FCGRT: variants seen among roughly 807,000 people sequenced by gnomAD.
The protein encoded by FCGRT is Fc gamma receptor and transporter, also known as IgG receptor FcRn large subunit p51.
A neutral mutation model predicts 35.7 loss-of-function variants in FCGRT; 13 were observed. The observed-to-expected ratio is 0.36, with a 90% CI of 0.24 to 0.58. The LOEUF (loss-of-function observed/expected upper bound fraction) is 0.58. Ranked by LOEUF, FCGRT falls within the 20% of genes least tolerant of loss-of-function variation. The probability of loss-of-function intolerance (pLI) is 0.77; values close to 1 mark genes in which losing one functional copy is unlikely to be tolerated. For synonymous variants in FCGRT, 233 were observed against 216.5 expected, an observed-to-expected ratio of 1.08 and a Z score of -0.67; for missense variants, 455 against 474.9, an observed-to-expected ratio of 0.96 and a Z score of 0.39.
chr19:49,521,669 T>A (rs2080042220), intron 4 of FCGRT: 1 of 143,948 alleles, frequency 6.9e-6, no homozygotes. Context: ...GCACCCGGCT[T>A]TTTTTTTTTT....
rs139316391 is a variant in FCGRT at position 49,513,714 on chromosome 19, G to GTCTCTCTCTCTCTCTC, written c.74-155_74-154insCTCTCTCTCTCTCTCT. On this transcript the variant is annotated intron_variant, in intron 2 of 6. Coordinates refer to ENST00000221466, the MANE Select transcript of FCGRT (RefSeq NM_001136019.3). Reference sequence around the variant, plus strand: ...GTCCCCCTCTCTTTCTGGGTCTCTTGTCTCTCTCTCTCTGGGTCTCTGTCC... The same window carrying GTCTCTCTCTCTCTCTC: ...GTCCCCCTCTCTTTCTGGGTCTCTTGTCTCTCTCTCTCTCTCTCTCTCTCTCTCTGGGTCTCTGTCC... 693 of 532,160 alleles carry GTCTCTCTCTCTCTCTC rather than the reference G, an allele frequency of 1.3e-3. 33 individuals carry two copies. In the African/African-American group the frequency reaches 0.017, roughly 13 times the overall value. The allele number at this position is 532,160 out of a possible 1,614,324, so 33.0% of individuals were successfully genotyped here.
chr19:49,515,874 ACCCTTCC>A lies in FCGRT; in HGVS notation c.601+1393_601+1399del, dbSNP rs141844884. Reference sequence around the variant, plus strand: ...GTTTCCCCTGGCACCTCTCTGTTCCACCCTTCCCCCTCTCTGCATATACTCCAGCCCT... The same window carrying A: ...GTTTCCCCTGGCACCTCTCTGTTCCACCCTCTCTGCATATACTCCAGCCCT... On this transcript the variant is annotated intron_variant, in intron 4 of 6. Transcript: ENST00000221466. Among the ~76,000 whole-genome samples the A allele has an allele frequency of 3.1e-3, 467 of 151,938 alleles. 4 individuals are homozygous for A. Among genetic ancestry groups the A allele is most frequent in the African/African-American group, 0.01 (431 of 41,444 alleles).
Position 49,513,881 on chromosome 19 carries a change from G to C in FCGRT, c.74-1G>C. On this transcript the variant is annotated splice_acceptor_variant, in intron 2 of 6. Transcript: ENST00000221466. LOFTEE classifies it high-confidence loss of function. Reference sequence around the variant, plus strand: ...CCCTTCAGCTCTGTTTCTGTCTGCAGAAAGCCACCTCTCCCTCCTGTACCA... The same window carrying C: ...CCCTTCAGCTCTGTTTCTGTCTGCACAAAGCCACCTCTCCCTCCTGTACCA... The C allele has an allele frequency of 6.3e-7, 1 of 1,591,618 alleles. No individual in the cohort carries two copies. The highest frequency in any genetic ancestry group is 8.6e-7 in the Non-Finnish European group (1 of 1,167,510).
At position 49,516,029 on chromosome 19, in the gene FCGRT, G is replaced by T. The variant is rs576120868; in HGVS notation, c.601+1543G>T. ...CAGATCCCCACTCATTCAACTGTTG[G>T]CCAAGAGCATTTGCACTGCCAGGCG... On this transcript the variant is annotated intron_variant, in intron 4 of 6. Coordinates refer to ENST00000221466, the MANE Select transcript of FCGRT (RefSeq NM_001136019.3). 156 of 357,136 alleles carry T rather than the reference G, an allele frequency of 4.4e-4. 1 individual carries two copies. Among genetic ancestry groups the T allele is most frequent in the African/African-American group, 2.7e-3 (124 of 46,406 alleles). The allele number at this position is 357,136 out of a possible 1,614,324, so 22.1% of individuals were successfully genotyped here. A position where few individuals can be genotyped will look rare whatever the true frequency, so the allele number is the denominator to read the frequency against.
At chr19:49,513,365 C>A in intron 1 of FCGRT, 22 bp from the exon 2 acceptor site, 9 of 643,446 alleles carry the variant, frequency 1.4e-5, no homozygotes, top group South Asian at 1.5e-4. Flanking sequence ...CGGGAGGAGT[C>A]ACGTGCCCCC....
At position 49,526,084 on chromosome 19, in the gene FCGRT, T is replaced by G. The variant is rs1356505064; in HGVS notation, c.1063T>G (p.Leu355Val). The G allele has an allele frequency of 1.9e-6, 3 of 1,613,532 alleles. No homozygotes were observed. Among genetic ancestry groups the G allele is most frequent in the Admixed American group, 1.7e-5 (1 of 60,006 alleles). Residue 355 changes from leucine to valine, a missense_variant, in exon 7 of 7, where the codon TTG becomes GTG. This residue lies in a region of FCGRT where 312 missense variants were observed against 296.1 expected (regional missense o/e 1.05). Transcript: ENST00000221466. ...CCCAGGGGAGGCCCAGGATGCTGAT[T>G]TGAAGGATGTAAATGTGATTCCAGC... ...PTPGEAQDAD[L>V]KDVNVIPATA is the part of the protein sequence containing the mutation.
At position 49,513,901 on chromosome 19, in the gene FCGRT, G is replaced by T; in HGVS notation, c.93G>T (p.Leu31=). The part of the protein sequence containing the change: ...SLGAESHLSL[L]YHLTAVSSPA... ...CTGCAGAAAGCCACCTCTCCCTCCT[G>T]TACCACCTTACCGCGGTGTCCTCGC... The change falls in exon 3 of 7, where the codon CTG becomes CTT. Residue 31 remains leucine, a synonymous_variant. Coordinates refer to ENST00000221466, the MANE Select transcript of FCGRT (RefSeq NM_001136019.3). 2 of 1,608,722 alleles carry T rather than the reference G, an allele frequency of 1.2e-6. No individual in the cohort carries two copies. The highest frequency in any genetic ancestry group is 1.7e-6 in the Non-Finnish European group (2 of 1,177,004).
intron 4 of FCGRT, among the ~76,000 whole-genome samples, chr19:49,519,950 C>G (rs2080030999): frequency 6.6e-6 from 1 of 150,450 alleles, no homozygotes; most frequent in Non-Finnish European, 1.5e-5. Context: ...GCTGCCTCAG[C>G]CTCCTGAGTA....
At chr19:49,516,248 C>T (rs192053369) in intron 4 of FCGRT, 1 of 424,098 alleles carries the variant, frequency 2.4e-6, no homozygotes, top group Non-Finnish European at 4.7e-6. Context: ...GGGAAAATTT[C>T]TTTCTTTTTT....
At chr19:49,518,603 G>A (rs182069397) in intron 4 of FCGRT, among the ~76,000 whole-genome samples, 1 of 152,052 alleles carries the variant, frequency 6.6e-6, no homozygotes, top group Non-Finnish European at 1.5e-5. Context: ...GCACGAACTC[G>A]GCTCACTGCA....
chr19:49,525,035 T>C, intron 5 of FCGRT: 1 of 639,760 alleles, frequency 1.6e-6, no homozygotes, highest in South Asian at 1.5e-5. Flanking sequence ...TCCCTGAGTC[T>C]GACCATCTTC....
At chr19:49,515,245 G>T (rs1284102807) in intron 4 of FCGRT, 1 of 152,036 alleles carries the variant, frequency 6.6e-6, no homozygotes, top group African/African-American at 2.4e-5. Context: ...TCCTGCTTTG[G>T]TCTCCTGAGT....
chr19:49,524,311 G>A (rs2080059557), intron 4 of FCGRT, among the ~76,000 whole-genome samples, 196 bp from the exon 5 acceptor site: 1 of 152,182 alleles, frequency 6.6e-6, no homozygotes. Flanking sequence ...CCAGCCCAAG[G>A]AGGTGACATC....
intron 4 of FCGRT, among the ~76,000 whole-genome samples, chr19:49,519,097 C>A (rs1226536639): frequency 9.9e-5 from 15 of 152,072 alleles, no homozygotes; most frequent in Admixed American, 9.2e-4. Flanking sequence ...CTGCCTCAGC[C>A]TCCCAAAGTA....
At chr19:49,513,326 G>A (rs939709852) in intron 1 of FCGRT, 61 bp from the exon 2 acceptor site, 1 of 857,608 alleles carries the variant, frequency 1.2e-6, no homozygotes, top group Non-Finnish European at 1.6e-6. Flanking sequence ...TGCCCGCGGT[G>A]TCCCGGGAGG....
intron 4 of FCGRT, among the ~76,000 whole-genome samples, chr19:49,520,346 AT>A (rs77327285): frequency 3.0e-3 from 368 of 121,334 alleles, no homozygotes; most frequent in Admixed American, 4.4e-3. Context: ...GCCAGGATGG[AT>A]TTTTTTTTTT....
At position 49,525,115 on chromosome 19, in the gene FCGRT, C is replaced by T. The variant is rs7257427; in HGVS notation, c.871+339C>T. On this transcript the variant is annotated intron_variant, in intron 5 of 6. Transcript: ENST00000221466. ...CTGACCATTCGTTGTCTGCTATGCC[C>T]GTCCTCACCAAGACTGACTGCCTGC... 3,518 of 534,922 alleles carry T rather than the reference C, an allele frequency of 6.6e-3. 99 individuals carry two copies. Among genetic ancestry groups the T allele is most frequent in the African/African-American group, 0.057 (3,070 of 53,742 alleles). The allele number at this position is 534,922 out of a possible 1,614,324, so 33.1% of individuals were successfully genotyped here.
Position 49,520,346 on chromosome 19 carries a change from A to ATT in FCGRT, c.602-4146_602-4145dup, listed in dbSNP as rs77327285. On this transcript the variant is annotated intron_variant, in intron 4 of 6. Transcript: ENST00000221466. ...GGTTTCACCATGTTGGCCAGGATGG[A>ATT]TTTTTTTTTTTTTTTTGAGATGGAG... 5.0e-3 allele frequency among the ~76,000 whole-genome samples: 604 copies of ATT among 121,446 alleles called. 18 individuals are homozygous for ATT. The highest frequency in any genetic ancestry group is 0.026 in the Middle Eastern group (5 of 194). The allele number at this position is 121,446 out of a possible 152,430, so 79.7% of individuals were successfully genotyped here.
intron 4 of FCGRT, among the ~76,000 whole-genome samples, chr19:49,519,474 T>G (rs2080027716): frequency 6.6e-6 from 1 of 152,164 alleles, no homozygotes; most frequent in Non-Finnish European, 1.5e-5. Context: ...TCCCATTTTC[T>G]TTTTGTTTTT....
Sources: gnomAD v4.1 joint callset for allele counts (sites outside exome capture counted in the v4.1 genomes callset) on GRCh38, gnomAD v4.1.1 for gene constraint, gnomAD v4.1.1 regional missense constraint, MANE v1.5 for transcripts, NCBI Gene and HGNC (gene_info 2026-07-23, HGNC 2026-07-21) for gene names.